KCNN1: variants seen among roughly 807,000 people sequenced by gnomAD.
KCNN1 encodes the protein small conductance calcium-activated potassium channel protein 1.
Under a neutral mutation model 44.7 loss-of-function variants are expected in KCNN1, and 20 were observed. The ratio of observed to expected loss-of-function variants is 0.45; its 90% CI spans 0.32 to 0.65. KCNN1 has a LOEUF of 0.65. KCNN1 is among the 30% of genes least tolerant of loss of function. The pLI is 0.05. For synonymous variants in KCNN1, 324 were observed against 341.7 expected (o/e 0.95, Z 0.57); for missense variants, 632 against 785.3 (o/e 0.80, Z 2.33).
rs1281079800 is a variant in KCNN1, at chr19:17,967,117, C to G, written c.-282C>G. On this transcript the variant is annotated 5_prime_UTR_variant, in exon 1 of 10. Coordinates refer to ENST00000684775, the MANE Select transcript of KCNN1 (RefSeq NM_001386974.1). The stretch of plus-strand genomic sequence containing the variant: ...TCTCCCGGCCCGGGCGGGCGCTCGC[C>G]CCCCGCCGGGCCCGTGGACTGGGCG... 1 of 978,912 alleles carries G rather than the reference C, an allele frequency of 1.0e-6. No individual in the cohort carries two copies. Among genetic ancestry groups the G allele is most frequent in the African/African-American group, 1.8e-5 (1 of 56,744 alleles). The allele number at this position is 978,912 out of a possible 1,614,324, so 60.6% of individuals were successfully genotyped here.
chr19:17,975,084 T>A lies in KCNN1; in HGVS notation c.403-8T>A. 1 of 1,611,560 alleles carries A rather than the reference T, an allele frequency of 6.2e-7. No individual in the cohort carries two copies. Among genetic ancestry groups the A allele is most frequent in the African/African-American group, 1.3e-5 (1 of 74,920 alleles). On this transcript the variant is annotated splice_region_variant and splice_polypyrimidine_tract_variant and intron_variant, in intron 2 of 9. Coordinates refer to ENST00000684775, the MANE Select transcript of KCNN1 (RefSeq NM_001386974.1). Reference sequence around the variant, plus strand: ...CGTCCATCTGGCTGTGTCCTCTCTCTTTACCAGGAGTCTCTGTACTCATTC... The same window carrying A: ...CGTCCATCTGGCTGTGTCCTCTCTCATTACCAGGAGTCTCTGTACTCATTC...
chr19:17,991,058 T>C (rs747171611), intron 7 of KCNN1, among the ~76,000 whole-genome samples: 2 of 151,262 alleles, frequency 1.3e-5, no homozygotes, highest in Admixed American at 6.6e-5. Flanking sequence ...CTCACACTTA[T>C]AATCCCTGCA....
At position 17,967,117 on chromosome 19, in the gene KCNN1, C is replaced by T. The variant is rs1281079800; in HGVS notation, c.-282C>T. On this transcript the variant is annotated 5_prime_UTR_variant, in exon 1 of 10. Transcript: ENST00000684775. ...TCTCCCGGCCCGGGCGGGCGCTCGCCCCCCGCCGGGCCCGTGGACTGGGCG... is the reference window on the plus strand; with the variant it reads ...TCTCCCGGCCCGGGCGGGCGCTCGCTCCCCGCCGGGCCCGTGGACTGGGCG... 2 of 978,912 alleles carry T rather than the reference C, an allele frequency of 2.0e-6. No homozygotes were observed. The highest frequency in any genetic ancestry group is 5.2e-4 in the Middle Eastern group (1 of 1,934). The allele number at this position is 978,912 out of a possible 1,614,324, so 60.6% of individuals were successfully genotyped here.
At chr19:17,984,362 T>C (rs2032523778) in intron 4 of KCNN1, among the ~76,000 whole-genome samples, 1 of 152,146 alleles carries the variant, frequency 6.6e-6, no homozygotes, top group Admixed American at 6.6e-5. Context: ...CCACTGTGCC[T>C]GGCACAGGCC....
chr19:17,996,650 T>A (rs2033003473), intron 9 of KCNN1, among the ~76,000 whole-genome samples: 1 of 151,984 alleles, frequency 6.6e-6, no homozygotes, highest in Non-Finnish European at 1.5e-5. Context: ...CAGAAAAGAC[T>A]AAAAAGAACC....
chr19:17,975,040 G>A (rs549211160), intron 2 of KCNN1, 52 bp from the exon 3 acceptor site: 20 of 1,481,010 alleles, frequency 1.4e-5, no homozygotes, highest in African/African-American at 5.5e-5. Flanking sequence ...TGGGAGGGCC[G>A]CCGGCCCACC....
At position 17,989,579 on chromosome 19, in the gene KCNN1, T is replaced by C; in HGVS notation, c.1171-137T>C. On this transcript the variant is annotated intron_variant, in intron 6 of 9. Transcript: ENST00000684775. ...CTGCACAGATGTTGTTGTACAAGCA[T>C]GGCCCTGCCTTATAGCCCAGGGACC... 2.5e-6 allele frequency: 3 copies of C among 1,215,542 alleles called. No homozygotes were observed. The South Asian group carries it at 3.8e-5, about 15-fold the overall frequency. The allele number at this position is 1,215,542 out of a possible 1,614,324, so 75.3% of individuals were successfully genotyped here.
intron 3 of KCNN1, among the ~76,000 whole-genome samples, chr19:17,978,477 G>T (rs11881966): frequency 0.042 from 6,328 of 149,308 alleles, 145 homozygotes; most frequent in Middle Eastern, 0.066. Flanking sequence ...GCCCAGGCTG[G>T]AGTACAGTGG....
chr19:17,954,389 G>A lies in KCNN1; in HGVS notation c.-202-172G>A, dbSNP rs143988487. ...GGAGAATTGTTTGAACCCTGGAGGC[G>A]GCAGTTGCAGTGAGCTGAGATCACA... On this transcript the variant is annotated intron_variant, in intron 1 of 10. Transcript: ENST00000222249. 3.1e-3 allele frequency among the ~76,000 whole-genome samples: 471 copies of A among 151,464 alleles called. 10 individuals are homozygous for A. The highest frequency in any genetic ancestry group is 0.011 in the African/African-American group (439 of 41,254).
At chr19:17,970,479 G>A (rs1006528275) in intron 1 of KCNN1, among the ~76,000 whole-genome samples, 3 of 151,586 alleles carry the variant, frequency 2.0e-5, no homozygotes, top group South Asian at 2.1e-4. Flanking sequence ...TACCACGCCC[G>A]GCTAATTTTG....
rs1458114473 is a variant in KCNN1 at position 17,993,392 on chromosome 19, C to T, written c.1308-98C>T. The T allele has an allele frequency of 5.8e-6, 5 of 862,054 alleles. No homozygotes were observed. The highest frequency in any genetic ancestry group is 1.7e-5 in the African/African-American group (1 of 60,230). 53.4% of individuals were successfully genotyped at this position (862,054 alleles called of 1,614,324 possible). A position where few individuals can be genotyped will look rare whatever the true frequency, so the allele number is the denominator to read the frequency against. ...CCACCTCATCCTCTGATGCATGTCC[C>T]ATAGGTGACCCCGGGTGGGTGCATG... On this transcript the variant is annotated intron_variant, in intron 8 of 9. Transcript: ENST00000684775. The surrounding 1 kb of genome is among the most constrained non-coding windows in gnomAD (Gnocchi z 4.5).
At chr19:17,957,307 GGA>G (rs915397709) in intron 2 of KCNN1, among the ~76,000 whole-genome samples, 10 of 136,044 alleles carry the variant, frequency 7.4e-5, no homozygotes, top group African/African-American at 2.3e-4. Flanking sequence ...TAGGAGGGAG[GGA>G]GAGAGAAAAA....
At position 17,990,034 on chromosome 19, in the gene KCNN1, T is replaced by C. The variant is rs556068692; in HGVS notation, c.1298+191T>C. The C allele has an allele frequency of 9.7e-5, 72 of 741,104 alleles. No homozygotes were observed. The Middle Eastern group carries it at 1.4e-3, about 14-fold the overall frequency. 45.9% of individuals were successfully genotyped at this position (741,104 alleles called of 1,614,324 possible). A position where few individuals can be genotyped will look rare whatever the true frequency, so the allele number is the denominator to read the frequency against. On this transcript the variant is annotated intron_variant, in intron 7 of 9. Transcript: ENST00000684775. ...GCAGATGATGGGGTCTGCTAAATCATGGACACGACTCAGTAAGTGGCAGGA... is the reference window on the plus strand; with the variant it reads ...GCAGATGATGGGGTCTGCTAAATCACGGACACGACTCAGTAAGTGGCAGGA...
intron 7 of KCNN1, among the ~76,000 whole-genome samples, chr19:17,991,381 G>A (rs1016622254): frequency 1.3e-5 from 2 of 152,160 alleles, no homozygotes; most frequent in Non-Finnish European, 2.9e-5. Flanking sequence ...AGCCCAGAAG[G>A]TCAAGGTTGC....
intron 3 of KCNN1, 59 bp downstream of exon 3, chr19:17,975,246 C>G: frequency 7.9e-7 from 1 of 1,266,518 alleles, no homozygotes; most frequent in Non-Finnish European, 1.2e-6. Context: ...TCCCCCCACA[C>G]CAGCCCACCT....
upstream of KCNN1, among the ~76,000 whole-genome samples, chr19:17,962,396 C>T (rs1161575338): frequency 1.3e-5 from 2 of 152,162 alleles, no homozygotes; most frequent in African/African-American, 2.4e-5. Context: ...GCCCCTTTTT[C>T]CTCCGTGTTC....
chr19:17,966,909 G>A (rs2031826452), upstream of KCNN1, among the ~76,000 whole-genome samples: 1 of 151,444 alleles, frequency 6.6e-6, no homozygotes, highest in African/African-American at 2.4e-5. Flanking sequence ...GCTTCACCAA[G>A]GTCCTTCCCG....
At chr19:17,957,038 G>A (rs776088350) in intron 2 of KCNN1, among the ~76,000 whole-genome samples, 10 of 142,736 alleles carry the variant, frequency 7.0e-5, no homozygotes, top group Non-Finnish European at 9.2e-5. Flanking sequence ...GCGACAAAGC[G>A]AGACTGTCTC....
chr19:17,967,086 C>G, upstream of KCNN1: 1 of 979,676 alleles, frequency 1.0e-6, no homozygotes, highest in Non-Finnish European at 1.2e-6. Flanking sequence ...TCGCACCGCC[C>G]CCTTCTCTCC....
Sources: gnomAD v4.1 joint callset for allele counts (sites outside exome capture counted in the v4.1 genomes callset) on GRCh38, gnomAD v4.1.1 for gene constraint, Gnocchi (gnomAD v3.1) non-coding constraint, MANE v1.5 for transcripts, NCBI Gene and HGNC (gene_info 2026-07-23, HGNC 2026-07-21) for gene names.